The following NKAIN2 variants were observed in gnomAD, a reference collection of about 807,000 sequenced individuals.
NKAIN2 encodes sodium/potassium-transporting ATPase subunit beta-1-interacting protein 2.
A neutral mutation model predicts 32.6 loss-of-function variants in NKAIN2; 14 were observed. That is an observed-to-expected ratio of 0.43 (90% confidence interval 0.28 to 0.67). The LOEUF is 0.67. NKAIN2 is among the 30% of genes least tolerant of loss of function. NKAIN2 has a pLI of 0.17. For missense variants in NKAIN2, 198 were observed against 258.3 expected (o/e 0.77, Z 1.60); for synonymous variants, 80 against 87.2 (o/e 0.92, Z 0.46).
intron 4 of NKAIN2, among the ~76,000 whole-genome samples, chr6:124,737,596 G>C (rs2114680173): frequency 6.6e-6 from 1 of 152,010 alleles, no homozygotes; most frequent in Non-Finnish European, 1.5e-5. Context: ...GAACAATTTG[G>C]AGGGCTCAGA....
At position 124,431,156 on chromosome 6, in the gene NKAIN2, C is replaced by T. The variant is rs142858824; in HGVS notation, c.273+75809C>T. ...CGATGCCCATTCTGACACTCTGTAA[C>T]AGGCAAAGGTTGCTTGGGAAACAGA... On this transcript the variant is annotated intron_variant, in intron 3 of 6. Coordinates refer to ENST00000368417, the MANE Select transcript of NKAIN2 (RefSeq NM_001040214.3). Among the ~76,000 whole-genome samples, 276 of 152,282 alleles carry T rather than the reference C, an allele frequency of 1.8e-3. 1 individual carries two copies. Among genetic ancestry groups the T allele is most frequent in the African/African-American group, 6.6e-3 (275 of 41,556 alleles).
intron 1 of NKAIN2, among the ~76,000 whole-genome samples, chr6:124,052,417 T>C (rs2114836737): frequency 6.6e-6 from 1 of 152,166 alleles, no homozygotes; most frequent in East Asian, 1.9e-4. Context: ...ATCCATTTAT[T>C]TTCACTAACC....
At chr6:124,360,062 T>C (rs1799204060) in intron 3 of NKAIN2, among the ~76,000 whole-genome samples, 2 of 152,238 alleles carry the variant, frequency 1.3e-5, no homozygotes, top group Non-Finnish European at 2.9e-5. Context: ...TCTGTTTATA[T>C]GCTGGATTAC....
intron 1 of NKAIN2, among the ~76,000 whole-genome samples, chr6:123,969,784 C>T (rs1166460276): frequency 6.6e-6 from 1 of 152,088 alleles, no homozygotes; most frequent in East Asian, 1.9e-4. Context: ...TTTACTTTCC[C>T]AGCCTCTGTC....
At chr6:124,181,741 G>A (rs1399198082) in intron 1 of NKAIN2, among the ~76,000 whole-genome samples, 4 of 152,002 alleles carry the variant, frequency 2.6e-5, no homozygotes, top group African/African-American at 9.7e-5. Context: ...CTCCCAACAG[G>A]TTTCTCATCT....
In NKAIN2 at chr6:124,366,238, C is replaced by T. The variant is rs139319019; in HGVS notation, c.273+10891C>T. Reference sequence around the variant, plus strand: ...GGGATCCTTATCAATAGTGATTAAACGAAAAAAAGAGTAAAATCACCTTTT... The same window carrying T: ...GGGATCCTTATCAATAGTGATTAAATGAAAAAAAGAGTAAAATCACCTTTT... On this transcript the variant is annotated intron_variant, in intron 3 of 6. Coordinates refer to ENST00000368417, the MANE Select transcript of NKAIN2 (RefSeq NM_001040214.3). Among the ~76,000 whole-genome samples the T allele has an allele frequency of 2.0e-3, 301 of 151,610 alleles. 1 individual carries two copies. The highest frequency in any genetic ancestry group is 6.8e-3 in the African/African-American group (280 of 41,372).
chr6:124,803,121 C>G (rs968699435), intron 5 of NKAIN2, among the ~76,000 whole-genome samples: 4 of 152,208 alleles, frequency 2.6e-5, no homozygotes, highest in African/African-American at 9.6e-5. Flanking sequence ...CTGCATTTGA[C>G]AAAGTGGCAC....
chr6:124,779,639 C>T (rs537542705), intron 4 of NKAIN2, among the ~76,000 whole-genome samples: 4 of 152,170 alleles, frequency 2.6e-5, no homozygotes, highest in South Asian at 4.1e-4. Context: ...ACTATTATTG[C>T]TCTTTAAGCC....
intron 3 of NKAIN2, among the ~76,000 whole-genome samples, chr6:124,422,487 T>G (rs1390580819): frequency 1.3e-5 from 2 of 152,224 alleles, no homozygotes; most frequent in Non-Finnish European, 2.9e-5. Flanking sequence ...ATTATTACTG[T>G]GTACTATCTC....
chr6:124,135,879 A>G (rs1267233266), intron 1 of NKAIN2, among the ~76,000 whole-genome samples: 1 of 152,108 alleles, frequency 6.6e-6, no homozygotes, highest in Non-Finnish European at 1.5e-5. Flanking sequence ...TACAGCAAAA[A>G]CGTTGCTAAG....
chr6:124,405,182 C>T (rs1773795350), intron 3 of NKAIN2, among the ~76,000 whole-genome samples: 1 of 152,100 alleles, frequency 6.6e-6, no homozygotes, highest in African/African-American at 2.4e-5. Flanking sequence ...GACCATTTTT[C>T]ATGATTTACT....
intron 1 of NKAIN2, among the ~76,000 whole-genome samples, chr6:124,256,889 T>G (rs994479038): frequency 2.2e-5 from 3 of 135,634 alleles, no homozygotes; most frequent in African/African-American, 9.5e-5. Context: ...TCTGTTGTTT[T>G]TTTTTTTTTT....
chr6:124,480,629 T>C (rs1176161272), intron 3 of NKAIN2, among the ~76,000 whole-genome samples: 1 of 151,690 alleles, frequency 6.6e-6, no homozygotes, highest in Non-Finnish European at 1.5e-5. Context: ...CCATTATCAG[T>C]TTGTTTTTAT....
chr6:124,586,828 A>G (rs1390630751), intron 3 of NKAIN2, among the ~76,000 whole-genome samples: 1 of 152,202 alleles, frequency 6.6e-6, no homozygotes, highest in African/African-American at 2.4e-5. Context: ...TGATACCTCT[A>G]TACAATGGAA....
chr6:124,667,867 G>A (rs964755221), intron 4 of NKAIN2, among the ~76,000 whole-genome samples: 1 of 152,146 alleles, frequency 6.6e-6, no homozygotes, highest in Non-Finnish European at 1.5e-5. Context: ...AGTAAAAAAA[G>A]AGCCATTGGT....
chr6:124,300,562 A>G (rs1796251996), intron 2 of NKAIN2, among the ~76,000 whole-genome samples: 1 of 152,214 alleles, frequency 6.6e-6, no homozygotes. Context: ...AGAGTTTGGA[A>G]CAGTTCAGAA....
At chr6:124,444,803 G>A (rs1352441277) in intron 3 of NKAIN2, among the ~76,000 whole-genome samples, 3 of 151,854 alleles carry the variant, frequency 2.0e-5, no homozygotes, top group African/African-American at 7.2e-5. Flanking sequence ...AGAAATGTCT[G>A]ATTCAAGGAG....
intron 1 of NKAIN2, among the ~76,000 whole-genome samples, chr6:123,876,199 A>C (rs1773162627): frequency 1.3e-5 from 2 of 152,176 alleles, no homozygotes; most frequent in Non-Finnish European, 2.9e-5. Flanking sequence ...ACATATCTGC[A>C]ACCGAAAAAT....
intron 3 of NKAIN2, among the ~76,000 whole-genome samples, chr6:124,560,338 C>T (rs1332754046): frequency 6.6e-6 from 1 of 152,142 alleles, no homozygotes; most frequent in Non-Finnish European, 1.5e-5. Flanking sequence ...GTTTGCTTCC[C>T]CTTCTGCCAT....
Sources: gnomAD v4.1 joint callset for allele counts (sites outside exome capture counted in the v4.1 genomes callset) on GRCh38, gnomAD v4.1.1 for gene constraint, MANE v1.5 for transcripts, NCBI Gene and HGNC (gene_info 2026-07-23, HGNC 2026-07-21) for gene names.